Variants in PRKG1 observed in about 807,000 individuals in gnomAD.
The protein encoded by PRKG1 is cGMP-dependent protein kinase 1.
PRKG1 carries 35 observed loss-of-function variants against 88.1 expected under a neutral mutation model. The observed-to-expected ratio is 0.40, with a 90% CI of 0.30 to 0.53. PRKG1 has a LOEUF of 0.53. Ranked by LOEUF, PRKG1 falls within the 20% of genes least tolerant of loss-of-function variation. The pLI, the probability that PRKG1 is intolerant of heterozygous loss-of-function variation, is 0.59. For synonymous variants in PRKG1, 303 were observed against 292.5 expected, an observed-to-expected ratio of 1.04 and a Z score of -0.37; for missense variants, 540 against 839.8, an observed-to-expected ratio of 0.64 and a Z score of 4.41.
chr10:51,341,776 G>A (rs1384957397), intron 2 of PRKG1, among the ~76,000 whole-genome samples: 1 of 152,178 alleles, frequency 6.6e-6, no homozygotes, highest in African/African-American at 2.4e-5. Context: ...ATAAAGAAAA[G>A]AGGTTTAATG....
intron 5 of PRKG1, among the ~76,000 whole-genome samples, chr10:51,968,857 A>C (rs1843637733): frequency 6.6e-6 from 1 of 151,542 alleles, no homozygotes; most frequent in African/African-American, 2.4e-5. Context: ...AAAAAATAGT[A>C]ATAATTAAAA....
chr10:51,930,752 A>G lies in PRKG1; in HGVS notation c.762+23182A>G, dbSNP rs184752395. On this transcript the variant is annotated intron_variant, in intron 5 of 17. Transcript: ENST00000373980. The stretch of plus-strand genomic sequence containing the variant: ...GCAATCTGCCTGCCTCAGCCTCTCA[A>G]AGTGGTGGGATTACAGGTGTCAGCC... Among the ~76,000 whole-genome samples, 51 of 152,200 alleles carry G rather than the reference A, an allele frequency of 3.4e-4. No homozygotes were observed. The East Asian group carries it at 9.5e-3, about 28-fold the overall frequency.
intron 5 of PRKG1, among the ~76,000 whole-genome samples, chr10:51,984,637 T>C (rs942075842): frequency 6.6e-6 from 1 of 152,142 alleles, no homozygotes; most frequent in African/African-American, 2.4e-5. Context: ...CATAATATTG[T>C]TTATATACTT....
intron 4 of PRKG1, among the ~76,000 whole-genome samples, chr10:51,860,858 A>G (rs1325886980): frequency 1.3e-5 from 2 of 152,192 alleles, no homozygotes; most frequent in Non-Finnish European, 2.9e-5. Flanking sequence ...GCTTTGGAGC[A>G]GGGAGGGTCT....
At chr10:51,540,206 T>G (rs1188560217) in intron 3 of PRKG1, among the ~76,000 whole-genome samples, 1 of 152,242 alleles carries the variant, frequency 6.6e-6, no homozygotes, top group African/African-American at 2.4e-5. Context: ...ACACAAAATG[T>G]GTCTAGAAGC....
chr10:51,102,366 T>C (rs548594686), intron 1 of PRKG1, among the ~76,000 whole-genome samples: 1 of 152,090 alleles, frequency 6.6e-6, no homozygotes. Context: ...ACTACCACAG[T>C]AGTTTCTTCT....
chr10:51,536,767 A>G (rs1589055472), intron 3 of PRKG1, among the ~76,000 whole-genome samples: 1 of 151,198 alleles, frequency 6.6e-6, no homozygotes, highest in South Asian at 2.1e-4. Flanking sequence ...GTCATTTAGC[A>G]TTAGGTATAT....
chr10:51,236,225 A>C (rs549657442), intron 2 of PRKG1, among the ~76,000 whole-genome samples: 101 of 152,284 alleles, frequency 6.6e-4, no homozygotes, highest in South Asian at 2.5e-3. Flanking sequence ...GACAGGGGAG[A>C]GCCAATTAAT....
intron 2 of PRKG1, among the ~76,000 whole-genome samples, chr10:51,301,102 C>T (rs1840871772): frequency 6.6e-6 from 1 of 152,080 alleles, no homozygotes; most frequent in South Asian, 2.1e-4. Context: ...CAGGGAGAAA[C>T]ATTCATGTCT....
chr10:51,667,330 A>AATG (rs1840446760), intron 3 of PRKG1, among the ~76,000 whole-genome samples: 1 of 152,226 alleles, frequency 6.6e-6, no homozygotes, highest in Non-Finnish European at 1.5e-5. Flanking sequence ...CCTTTTAAAA[A>AATG]ATGATACCAA....
chr10:52,159,953 T>G (rs1383387907), intron 8 of PRKG1, among the ~76,000 whole-genome samples: 2 of 151,926 alleles, frequency 1.3e-5, no homozygotes, highest in African/African-American at 4.8e-5. Flanking sequence ...GTTTTGGATT[T>G]TGTTGTATTG....
At chr10:51,829,900 T>C (rs1185646117) in intron 4 of PRKG1, among the ~76,000 whole-genome samples, 1 of 152,218 alleles carries the variant, frequency 6.6e-6, no homozygotes, top group Non-Finnish European at 1.5e-5. Context: ...CACTGATCTA[T>C]GCCAACTTTT....
At chr10:51,073,817 GT>G (rs1347416680), upstream of PRKG1, among the ~76,000 whole-genome samples, 1 of 152,146 alleles carries the variant, frequency 6.6e-6, no homozygotes, top group Non-Finnish European at 1.5e-5. Context: ...TGAGAGGCAA[GT>G]TTCTTCGCAA....
intron 3 of PRKG1, among the ~76,000 whole-genome samples, chr10:51,499,813 T>C (rs1487449736): frequency 1.3e-5 from 2 of 152,134 alleles, no homozygotes; most frequent in East Asian, 3.9e-4. Flanking sequence ...AATGAAACAT[T>C]AGTTGGGCTT....
chr10:52,169,571 A>T (rs999976951), intron 9 of PRKG1, among the ~76,000 whole-genome samples: 7 of 152,170 alleles, frequency 4.6e-5, no homozygotes, highest in Non-Finnish European at 8.8e-5. Flanking sequence ...AGTCTACAGC[A>T]GTGTGCTTCA....
Position 52,282,194 on chromosome 10 carries a change from A to G in PRKG1, c.1587A>G (p.Lys529=), listed in dbSNP as rs1842016937. Residue 529 remains lysine (K), a synonymous_variant, in exon 14 of 18, where the codon AAA becomes AAG. Coordinates refer to ENST00000373980, the MANE Select transcript of PRKG1 (RefSeq NM_006258.4). ...GFAKKIGFGK[K]TWTFCGTPEY... is the part of the protein sequence containing the mutation. ...CAAAGAAAATAGGATTTGGAAAGAA[A>G]ACATGGACTTTTTGTGGGACTCCAG... The G allele has an allele frequency of 6.2e-7, 1 of 1,608,552 alleles. No individual in the cohort carries two copies. The highest frequency in any genetic ancestry group is 1.7e-4 in the Middle Eastern group (1 of 6,010).
upstream of PRKG1, among the ~76,000 whole-genome samples, chr10:51,069,776 T>G (rs1037638179): frequency 6.6e-6 from 1 of 152,138 alleles, no homozygotes; most frequent in Non-Finnish European, 1.5e-5. Flanking sequence ...AGCTCAGATA[T>G]TTTGAATTGA....
At chr10:51,192,906 C>T (rs1026294515) in intron 2 of PRKG1, among the ~76,000 whole-genome samples, 1 of 151,904 alleles carries the variant, frequency 6.6e-6, no homozygotes, top group African/African-American at 2.4e-5. Flanking sequence ...ATTTATTGAG[C>T]ATTTGTTGGA....
At chr10:51,696,110 C>G (rs146280304) in intron 3 of PRKG1, 2 of 152,144 alleles carry the variant, frequency 1.3e-5, no homozygotes, top group African/African-American at 4.8e-5. Flanking sequence ...GTATTCCATG[C>G]AAAAAGTAAA....
Sources: allele counts gnomAD v4.1 joint callset (sites outside exome capture counted in the v4.1 genomes callset), GRCh38; gene constraint gnomAD v4.1.1; transcripts MANE v1.5; gene names NCBI Gene and HGNC (gene_info 2026-07-23, HGNC 2026-07-21).